Variants in PLXDC2 observed in about 807,000 individuals in gnomAD.
The protein encoded by PLXDC2 is plexin domain-containing protein 2.
A neutral mutation model predicts 68.9 loss-of-function variants in PLXDC2; 40 were observed. The observed-to-expected ratio is 0.58, with a 90% CI of 0.45 to 0.76. The LOEUF (loss-of-function observed/expected upper bound fraction) is 0.76, where lower values mean the gene tolerates loss of function less well. Ranked by LOEUF, PLXDC2 falls within the 30% of genes least tolerant of loss-of-function variation. The pLI is 0.00. For synonymous variants in PLXDC2, 243 were observed against 234.2 expected, an observed-to-expected ratio of 1.04 and a Z score of -0.34; for missense variants, 644 against 661.9, an observed-to-expected ratio of 0.97 and a Z score of 0.30.
At chr10:20,167,155 A>G (rs1449072294) in intron 7 of PLXDC2, among the ~76,000 whole-genome samples, 2 of 152,176 alleles carry the variant, frequency 1.3e-5, no homozygotes, top group Non-Finnish European at 2.9e-5. Context: ...ATGCGACTAT[A>G]TTTATGCAAG....
At chr10:20,082,055 A>AC (rs1564308478) in intron 4 of PLXDC2, among the ~76,000 whole-genome samples, 1 of 142,124 alleles carries the variant, frequency 7.0e-6, no homozygotes, top group African/African-American at 2.6e-5. Context: ...GAAAAAAAAA[A>AC]AAAAAAATCA....
chr10:19,914,196 C>A (rs750253051), intron 1 of PLXDC2, among the ~76,000 whole-genome samples: 35 of 151,664 alleles, frequency 2.3e-4, no homozygotes, highest in Non-Finnish European at 4.9e-4. Flanking sequence ...CTTTGAGAAT[C>A]ATTTTTCTTT....
intron 1 of PLXDC2, among the ~76,000 whole-genome samples, chr10:19,970,017 A>T (rs1407945359): frequency 1.3e-5 from 2 of 152,200 alleles, no homozygotes; most frequent in African/African-American, 4.8e-5. Context: ...CTAAATGAAG[A>T]AGCAATAGAG....
intron 12 of PLXDC2, among the ~76,000 whole-genome samples, chr10:20,243,673 G>A (rs546576516): frequency 6.6e-6 from 1 of 151,666 alleles, no homozygotes; most frequent in East Asian, 1.9e-4. Context: ...ATAAAAGAAA[G>A]AAATCAGTGC....
chr10:20,125,761 A>G (rs1157042081), intron 4 of PLXDC2, among the ~76,000 whole-genome samples: 1 of 152,086 alleles, frequency 6.6e-6, no homozygotes, highest in African/African-American at 2.4e-5. Context: ...AAACTGATTA[A>G]TGTACACAGC....
chr10:20,029,478 ATTTCTT>A (rs1008928424), intron 2 of PLXDC2, among the ~76,000 whole-genome samples: 1 of 152,154 alleles, frequency 6.6e-6, no homozygotes. Flanking sequence ...TTTCCCATAT[ATTTCTT>A]TTTCTTGGGG....
At chr10:20,026,848 A>T (rs1322007491) in intron 2 of PLXDC2, among the ~76,000 whole-genome samples, 1 of 146,788 alleles carries the variant, frequency 6.8e-6, no homozygotes, top group Non-Finnish European at 1.5e-5. Context: ...TACTTTTATA[A>T]TATATTCTAA....
At chr10:19,969,565 A>T (rs761326348) in intron 1 of PLXDC2, among the ~76,000 whole-genome samples, 5 of 152,330 alleles carry the variant, frequency 3.3e-5, no homozygotes, top group Middle Eastern at 3.4e-3. Flanking sequence ...GGAAAGTATG[A>T]TGGAAAGTGA....
chr10:20,063,660 A>C (rs1310752453), intron 3 of PLXDC2, among the ~76,000 whole-genome samples: 1 of 152,194 alleles, frequency 6.6e-6, no homozygotes, highest in African/African-American at 2.4e-5. Context: ...AAAATATGTA[A>C]AGAAGGCAAG....
Position 20,043,815 on chromosome 10 carries a change from T to A in PLXDC2, c.325-3054T>A, listed in dbSNP as rs1006364744. On this transcript the variant is annotated intron_variant, in intron 2 of 13. Transcript: ENST00000377252. ...AAATTAAATGAATTATTATTTTACATAATTTAATTTTTAATTTTTAAAAAT... is the reference window on the plus strand; with the variant it reads ...AAATTAAATGAATTATTATTTTACAAAATTTAATTTTTAATTTTTAAAAAT... Among the ~76,000 whole-genome samples the A allele has an allele frequency of 7.9e-5, 12 of 152,242 alleles. No homozygotes were observed. In the East Asian group the frequency reaches 2.3e-3, roughly 29 times the overall value.
At chr10:19,876,218 T>C (rs572628661) in intron 1 of PLXDC2, among the ~76,000 whole-genome samples, 1 of 152,264 alleles carries the variant, frequency 6.6e-6, no homozygotes, top group Admixed American at 6.5e-5. Flanking sequence ...ATCGTTTCTA[T>C]TGTGGTAAAA....
rs1278567645 is a variant in PLXDC2 at position 19,984,574 on chromosome 10, G to A, written c.113-17201G>A. Reference sequence around the variant, plus strand: ...TGCATTAATTTATTCTAGAAGGGATGCAGGATTATTACTTTTGAGTGGGAC... The same window carrying A: ...TGCATTAATTTATTCTAGAAGGGATACAGGATTATTACTTTTGAGTGGGAC... On this transcript the variant is annotated intron_variant, in intron 1 of 13. Transcript: ENST00000377252. Among the ~76,000 whole-genome samples the A allele has an allele frequency of 2.0e-5, 3 of 152,306 alleles. No homozygotes were observed. The Middle Eastern group carries it at 0.01, about 518-fold the overall frequency.
intron 2 of PLXDC2, among the ~76,000 whole-genome samples, chr10:20,039,389 T>A (rs900090690): frequency 6.6e-6 from 1 of 152,178 alleles, no homozygotes; most frequent in Non-Finnish European, 1.5e-5. Context: ...GTAAAAAAAA[T>A]TGCACTCTAC....
chr10:20,273,649 G>A (rs1835968140), intron 13 of PLXDC2, among the ~76,000 whole-genome samples: 1 of 152,182 alleles, frequency 6.6e-6, no homozygotes, highest in Admixed American at 6.5e-5. Context: ...AAGAGATACT[G>A]ATAAAATACC....
intron 1 of PLXDC2, among the ~76,000 whole-genome samples, chr10:19,974,436 G>A (rs1402260049): frequency 1.3e-5 from 2 of 152,188 alleles, no homozygotes; most frequent in Non-Finnish European, 1.5e-5. Context: ...ATATGAAGTC[G>A]TTCAAAGGCC....
In PLXDC2 at chr10:19,883,708, T is replaced by G. The variant is rs1312545303; in HGVS notation, c.112+66517T>G. Among the ~76,000 whole-genome samples the G allele has an allele frequency of 2.6e-5, 4 of 151,880 alleles. No homozygotes were observed. In the East Asian group the frequency reaches 7.8e-4, roughly 29 times the overall value. ...CTTTCTTCAGACTTGAAAAAAAAAT[T>G]CAGAGAGAAGAATGGGTAATAAAAA... On this transcript the variant is annotated intron_variant, in intron 1 of 13. Coordinates refer to ENST00000377252, the MANE Select transcript of PLXDC2 (RefSeq NM_032812.9).
chr10:19,879,583 C>T (rs1295759936), intron 1 of PLXDC2, among the ~76,000 whole-genome samples: 3 of 152,094 alleles, frequency 2.0e-5, no homozygotes, highest in Non-Finnish European at 2.9e-5. Context: ...TAAAAGAAGG[C>T]CTTGCATTGC....
intron 13 of PLXDC2, among the ~76,000 whole-genome samples, chr10:20,259,107 A>G (rs890747798): frequency 1.3e-5 from 2 of 152,292 alleles, no homozygotes; most frequent in East Asian, 1.9e-4. Flanking sequence ...GCTTCTTACC[A>G]TGATTCTTTA....
At chr10:19,827,127 T>A (rs1227402508) in intron 1 of PLXDC2, among the ~76,000 whole-genome samples, 1 of 152,208 alleles carries the variant, frequency 6.6e-6, no homozygotes, top group Non-Finnish European at 1.5e-5. Context: ...GAGCTAGAAT[T>A]TCTGGGTTAT....
Sources: allele counts gnomAD v4.1 joint callset (sites outside exome capture counted in the v4.1 genomes callset), GRCh38; gene constraint gnomAD v4.1.1; transcripts MANE v1.5; gene names NCBI Gene and HGNC (gene_info 2026-07-23, HGNC 2026-07-21).